MARCHF4: variants seen among roughly 807,000 people sequenced by gnomAD.
MARCHF4 encodes E3 ubiquitin-protein ligase MARCHF4.
A neutral mutation model predicts 43.9 loss-of-function variants in MARCHF4; 14 were observed. That is an observed-to-expected ratio of 0.32 (90% CI 0.21 to 0.50). The LOEUF (loss-of-function observed/expected upper bound fraction) is 0.50, where lower values mean the gene tolerates loss of function less well. Ranked by LOEUF, MARCHF4 falls within the 20% of genes least tolerant of loss-of-function variation. The pLI is 0.98. For synonymous variants in MARCHF4, 226 were observed against 213.3 expected (o/e 1.06, Z -0.52); for missense variants, 468 against 536.7 (o/e 0.87, Z 1.27).
At chr2:216,318,302 G>A (rs968805448) in intron 1 of MARCHF4, among the ~76,000 whole-genome samples, 11 of 152,162 alleles carry the variant, frequency 7.2e-5, no homozygotes, top group African/African-American at 1.2e-4. Context: ...GCGGGCAAAC[G>A]AACGCCCCTC....
intron 1 of MARCHF4, among the ~76,000 whole-genome samples, chr2:216,355,237 G>T (rs1343420703): frequency 6.6e-6 from 1 of 151,998 alleles, no homozygotes; most frequent in Admixed American, 6.6e-5. Flanking sequence ...CTCCCAAAGC[G>T]CTGGGATTAC....
In MARCHF4 at chr2:216,320,607, T is replaced by TTTTCTTTCTTTC. The variant is rs552086212; in HGVS notation, c.517-36890_517-36879dup. On this transcript the variant is annotated intron_variant, in intron 1 of 3. Transcript: ENST00000273067. Reference sequence around the variant, plus strand: ...ATAAGGTTGTAGAGCTATAGCCTCTTTTTCTTTCTTTCTTTCTTTCTTTCT... The same window carrying TTTTCTTTCTTTC: ...ATAAGGTTGTAGAGCTATAGCCTCTTTTTCTTTCTTTCTTTCTTTCTTTCTTTCTTTCTTTCT... 2.7e-3 allele frequency among the ~76,000 whole-genome samples: 301 copies of TTTTCTTTCTTTC among 112,162 alleles called. 2 individuals are homozygous for TTTTCTTTCTTTC. Among genetic ancestry groups the TTTTCTTTCTTTC allele is most frequent in the East Asian group, 6.6e-3 (24 of 3,632 alleles). The allele number at this position is 112,162 out of a possible 152,430, so 73.6% of individuals were successfully genotyped here. A position where few individuals can be genotyped will look rare whatever the true frequency, so the allele number is the denominator to read the frequency against.
chr2:216,349,327 A>T (rs1692364288), intron 1 of MARCHF4, among the ~76,000 whole-genome samples: 1 of 152,258 alleles, frequency 6.6e-6, no homozygotes, highest in Non-Finnish European at 1.5e-5. Flanking sequence ...CAGTGGATCC[A>T]TCAAAGTATC....
chr2:216,268,934 T>C (rs1690890372), intron 3 of MARCHF4, among the ~76,000 whole-genome samples: 1 of 152,182 alleles, frequency 6.6e-6, no homozygotes, highest in South Asian at 2.1e-4. Context: ...GCCTATTTGC[T>C]ATAAAATGAG....
intron 1 of MARCHF4, among the ~76,000 whole-genome samples, chr2:216,328,754 T>A (rs1692036385): frequency 6.6e-6 from 1 of 152,194 alleles, no homozygotes. Context: ...AAAGCTATGA[T>A]AGGCCGGGTG....
intron 1 of MARCHF4, among the ~76,000 whole-genome samples, chr2:216,337,588 T>C (rs1003894295): frequency 1.4e-5 from 2 of 146,030 alleles, no homozygotes; most frequent in Non-Finnish European, 2.9e-5. Flanking sequence ...GAAAAAAGAG[T>C]TTTTAATCAC....
chr2:216,267,238 T>C (rs1690860495), intron 3 of MARCHF4, among the ~76,000 whole-genome samples: 1 of 152,196 alleles, frequency 6.6e-6, no homozygotes, highest in Admixed American at 6.5e-5. Context: ...AGGTGACTAG[T>C]ACTGAATGTG....
At chr2:216,268,027 AC>A (rs1690872364) in intron 3 of MARCHF4, among the ~76,000 whole-genome samples, 1 of 152,214 alleles carries the variant, frequency 6.6e-6, no homozygotes, top group African/African-American at 2.4e-5. Flanking sequence ...CAGATAAGCT[AC>A]ATGCAAGTAA....
At chr2:216,261,928 A>T (rs1690748641) in intron 3 of MARCHF4, among the ~76,000 whole-genome samples, 1 of 152,218 alleles carries the variant, frequency 6.6e-6, no homozygotes, top group South Asian at 2.1e-4. Context: ...AGCCTAGGGA[A>T]GGATTCAGAA....
intron 3 of MARCHF4, among the ~76,000 whole-genome samples, chr2:216,269,589 C>A (rs2105934042): frequency 6.6e-6 from 1 of 152,292 alleles, no homozygotes; most frequent in East Asian, 1.9e-4. Flanking sequence ...TTCGGCAAAC[C>A]TTTCTTGAGT....
chr2:216,291,930 C>T (rs951784115), intron 1 of MARCHF4, among the ~76,000 whole-genome samples: 1 of 152,220 alleles, frequency 6.6e-6, no homozygotes, highest in Non-Finnish European at 1.5e-5. Flanking sequence ...CCCACATCCT[C>T]TCTGCCCATT....
At chr2:216,299,822 G>A (rs186700089) in intron 1 of MARCHF4, among the ~76,000 whole-genome samples, 1 of 152,216 alleles carries the variant, frequency 6.6e-6, no homozygotes, top group African/African-American at 2.4e-5. Context: ...GCTGGACACT[G>A]TCTGATTCAG....
intron 1 of MARCHF4, among the ~76,000 whole-genome samples, chr2:216,348,727 C>T (rs1324319200): frequency 1.3e-5 from 2 of 152,078 alleles, no homozygotes; most frequent in Non-Finnish European, 2.9e-5. Context: ...TGGACTTGCC[C>T]TGAATTATTT....
At chr2:216,334,174 G>A (rs1204968708) in intron 1 of MARCHF4, among the ~76,000 whole-genome samples, 1 of 152,148 alleles carries the variant, frequency 6.6e-6, no homozygotes, top group Admixed American at 6.5e-5. Flanking sequence ...GCCCTTAAAA[G>A]TGGAAGAAGG....
intron 1 of MARCHF4, among the ~76,000 whole-genome samples, chr2:216,319,763 T>C (rs913981402): frequency 6.6e-6 from 1 of 152,194 alleles, no homozygotes; most frequent in Non-Finnish European, 1.5e-5. Flanking sequence ...CTACACTAGA[T>C]GCTGGGATTT....
At chr2:216,320,327 C>A (rs1021095799) in intron 1 of MARCHF4, among the ~76,000 whole-genome samples, 1 of 152,216 alleles carries the variant, frequency 6.6e-6, no homozygotes, top group Non-Finnish European at 1.5e-5. Flanking sequence ...ATAATAAACA[C>A]TTCCAGTGAT....
intron 1 of MARCHF4, among the ~76,000 whole-genome samples, chr2:216,333,791 A>G (rs1337431495): frequency 2.0e-5 from 3 of 152,104 alleles, no homozygotes; most frequent in African/African-American, 7.2e-5. Flanking sequence ...AGCTCCTGGA[A>G]AGAGACCCGT....
At chr2:216,300,529 TA>T (rs1345988434) in intron 1 of MARCHF4, among the ~76,000 whole-genome samples, 1 of 151,768 alleles carries the variant, frequency 6.6e-6, no homozygotes, top group Non-Finnish European at 1.5e-5. Flanking sequence ...GTATATTTTA[TA>T]GAGAAGGGTT....
intron 3 of MARCHF4, among the ~76,000 whole-genome samples, chr2:216,268,932 G>T (rs1690890329): frequency 6.6e-6 from 1 of 152,098 alleles, no homozygotes; most frequent in African/African-American, 2.4e-5. Flanking sequence ...CTGCCTATTT[G>T]CTATAAAATG....
Sources: allele counts gnomAD v4.1 joint callset (sites outside exome capture counted in the v4.1 genomes callset), GRCh38; gene constraint gnomAD v4.1.1; transcripts MANE v1.5; gene names NCBI Gene and HGNC (gene_info 2026-07-23, HGNC 2026-07-21).